The following EIF2B3 variants were observed in gnomAD, a reference collection of about 807,000 sequenced individuals.
The protein encoded by EIF2B3 is eukaryotic translation initiation factor 2B subunit gamma.
In EIF2B3, 20 loss-of-function variants were observed where a neutral mutation model predicts 54.1. The ratio of observed to expected loss-of-function variants is 0.37; its 90% CI spans 0.26 to 0.54. The LOEUF is 0.54. Among genes scored for constraint, EIF2B3 ranks in the 20% least tolerant of loss-of-function variants. The probability of loss-of-function intolerance (pLI) is 0.86; values close to 1 mark genes in which losing one functional copy is unlikely to be tolerated. For missense variants in EIF2B3, 448 were observed against 547.8 expected (o/e 0.82, Z 1.82); for synonymous variants, 153 against 188.1 (o/e 0.81, Z 1.52).
rs1655662212 is a variant in EIF2B3 at position 44,888,162 on chromosome 1, G to A, written c.657-6423C>T. Reference sequence around the variant, plus strand: ...CCAACTGGGGGCAAGTTTGGGCCTTGCCAGTTCAATATTGGGTGCTAAGCA... The same window carrying A: ...CCAACTGGGGGCAAGTTTGGGCCTTACCAGTTCAATATTGGGTGCTAAGCA... On this transcript the variant is annotated intron_variant, in intron 6 of 11. Transcript: ENST00000360403. Among the ~76,000 whole-genome samples, 2 of 152,162 alleles carry A rather than the reference G, an allele frequency of 1.3e-5. 1 individual carries two copies. Among genetic ancestry groups the A allele is most frequent in the South Asian group, 4.1e-4 (2 of 4,834 alleles).
At chr1:44,854,610 G>T (rs1370124449) in intron 11 of EIF2B3, among the ~76,000 whole-genome samples, 1 of 141,848 alleles carries the variant, frequency 7.0e-6, no homozygotes, top group Non-Finnish European at 1.5e-5. Context: ...TTTTTGAGAT[G>T]GAGTTTCGCT....
At chr1:44,886,585 T>C (rs960689388) in intron 6 of EIF2B3, among the ~76,000 whole-genome samples, 5 of 152,332 alleles carry the variant, frequency 3.3e-5, no homozygotes, top group African/African-American at 1.2e-4. Context: ...CCTAACTTAA[T>C]AGGTAGATGA....
chr1:44,873,146 C>T (rs930428843), intron 10 of EIF2B3, among the ~76,000 whole-genome samples: 1 of 152,160 alleles, frequency 6.6e-6, no homozygotes, highest in Admixed American at 6.6e-5. Flanking sequence ...TATCAGCATA[C>T]CACTGGTAGC....
chr1:44,860,207 T>C (rs989429210), intron 10 of EIF2B3, among the ~76,000 whole-genome samples: 4 of 152,112 alleles, frequency 2.6e-5, no homozygotes, highest in Admixed American at 6.6e-5. Context: ...TGGAGTGCAG[T>C]GGCGTGATCT....
chr1:44,851,142 G>A, intron 11 of EIF2B3, 139 bp from the exon 12 acceptor site: 1 of 776,316 alleles, frequency 1.3e-6, no homozygotes, highest in South Asian at 1.5e-5. Context: ...TCGGCTTACT[G>A]CAACCTCCAT....
intron 3 of EIF2B3, among the ~76,000 whole-genome samples, chr1:44,965,321 A>T (rs945627992): frequency 7.9e-5 from 12 of 152,208 alleles, no homozygotes; most frequent in African/African-American, 2.9e-4. Context: ...TTCTATACAT[A>T]CATACAACTA....
intron 10 of EIF2B3, among the ~76,000 whole-genome samples, chr1:44,872,671 A>AC (rs983146187): frequency 5.3e-5 from 8 of 151,354 alleles, no homozygotes; most frequent in Non-Finnish European, 4.4e-5. Flanking sequence ...AAAAAACACT[A>AC]CCCCCAAAAC....
intron 10 of EIF2B3, among the ~76,000 whole-genome samples, chr1:44,869,925 A>G (rs1474928587): frequency 6.6e-6 from 1 of 152,106 alleles, no homozygotes; most frequent in African/African-American, 2.4e-5. Flanking sequence ...GTTGGAGAAC[A>G]CCACAATATG....
intron 1 of EIF2B3, among the ~76,000 whole-genome samples, chr1:44,986,138 C>CTTTTT (rs66786376): frequency 2.1e-5 from 3 of 142,232 alleles, no homozygotes; most frequent in African/African-American, 7.9e-5. Context: ...CTTTTCTTTT[C>CTTTTT]TTTTTTTTTT....
intron 1 of EIF2B3, among the ~76,000 whole-genome samples, chr1:44,981,453 C>T (rs1644511839): frequency 6.6e-6 from 1 of 152,132 alleles, no homozygotes; most frequent in African/African-American, 2.4e-5. Context: ...AAGACAAATT[C>T]AGTAAATCAC....
intron 10 of EIF2B3, among the ~76,000 whole-genome samples, chr1:44,865,920 C>G (rs1019645641): frequency 2.0e-5 from 3 of 151,980 alleles, no homozygotes; most frequent in Non-Finnish European, 4.4e-5. Flanking sequence ...TTCTCCCTCT[C>G]TATAATCATG....
intron 10 of EIF2B3, among the ~76,000 whole-genome samples, chr1:44,873,667 G>A (rs1324530829): frequency 6.6e-6 from 1 of 151,618 alleles, no homozygotes; most frequent in Non-Finnish European, 1.5e-5. Flanking sequence ...TTGAGACAGA[G>A]TCTTGCTCTG....
chr1:44,867,833 G>C (rs1213157096), intron 10 of EIF2B3, among the ~76,000 whole-genome samples: 4 of 142,400 alleles, frequency 2.8e-5, no homozygotes, highest in Non-Finnish European at 6.1e-5. Flanking sequence ...AAAAAAAGAA[G>C]TAGCCAGCCT....
Position 44,901,802 on chromosome 1 carries a change from C to T in EIF2B3, c.567-4358G>A, listed in dbSNP as rs569930874. ...TCTTGAACTCCTGGTTCAAGCAATCCACCTGGTTTGGCCTCCCAAAATGCT... is the reference window on the plus strand; with the variant it reads ...TCTTGAACTCCTGGTTCAAGCAATCTACCTGGTTTGGCCTCCCAAAATGCT... On this transcript the variant is annotated intron_variant, in intron 5 of 11. Transcript: ENST00000360403. Among the ~76,000 whole-genome samples, 9 of 152,166 alleles carry T rather than the reference C, an allele frequency of 5.9e-5. No individual in the cohort carries two copies. In the South Asian group the frequency reaches 1.9e-3, roughly 32 times the overall value.
chr1:44,963,878 C>T (rs574954034), intron 3 of EIF2B3, among the ~76,000 whole-genome samples: 2 of 152,098 alleles, frequency 1.3e-5, no homozygotes, highest in African/African-American at 2.4e-5. Context: ...TACCCTATAG[C>T]CCTTCATCCC....
At chr1:44,857,527 GAA>G (rs200709551) in intron 11 of EIF2B3, among the ~76,000 whole-genome samples, 175 bp downstream of exon 11, 3 of 135,078 alleles carry the variant, frequency 2.2e-5, no homozygotes, top group Admixed American at 7.5e-5. Context: ...GTGAAACTCC[GAA>G]AAAAAAAAAA....
At chr1:44,978,664 T>G (rs1644480737) in intron 2 of EIF2B3, among the ~76,000 whole-genome samples, 1 of 119,976 alleles carries the variant, frequency 8.3e-6, no homozygotes, top group Admixed American at 1.0e-4. Context: ...ACAGACAGGG[T>G]CTCACTCTGC....
intron 6 of EIF2B3, among the ~76,000 whole-genome samples, chr1:44,888,091 C>T (rs1402182777): frequency 1.3e-5 from 2 of 152,140 alleles, no homozygotes; most frequent in African/African-American, 2.4e-5. Context: ...AGGCCCTTCC[C>T]TCAATAAAGT....
chr1:44,904,457 C>T (rs761786802), intron 5 of EIF2B3, among the ~76,000 whole-genome samples: 9 of 152,134 alleles, frequency 5.9e-5, no homozygotes, highest in Non-Finnish European at 8.8e-5. Context: ...TTCAATGCAG[C>T]AACATAAACA....
Sources: allele counts gnomAD v4.1 joint callset (sites outside exome capture counted in the v4.1 genomes callset), GRCh38; gene constraint gnomAD v4.1.1; transcripts MANE v1.5; gene names NCBI Gene and HGNC (gene_info 2026-07-23, HGNC 2026-07-21).